Variants in CADPS observed in about 807,000 individuals in gnomAD.
The protein encoded by CADPS is calcium-dependent secretion activator 1.
Under a neutral mutation model 167.3 loss-of-function variants are expected in CADPS, and 57 were observed. That is an observed-to-expected ratio of 0.34 (90% CI 0.28 to 0.42). CADPS has a LOEUF of 0.42. Ranked by LOEUF, CADPS falls within the 20% of genes least tolerant of loss-of-function variation. The pLI is 1.00. For synonymous variants in CADPS, 676 were observed against 635.3 expected (o/e 1.06, Z -0.96); for missense variants, 1,414 against 1,738.1 (o/e 0.81, Z 3.32).
intron 4 of CADPS, among the ~76,000 whole-genome samples, chr3:62,660,207 G>A (rs1197881247): frequency 6.6e-6 from 1 of 152,092 alleles, no homozygotes; most frequent in African/African-American, 2.4e-5. Flanking sequence ...TAAATTAAAG[G>A]TGCCATGAGC....
At chr3:62,608,342 G>GCACAAT (rs995553627) in intron 6 of CADPS, among the ~76,000 whole-genome samples, 1 of 151,226 alleles carries the variant, frequency 6.6e-6, no homozygotes, top group African/African-American at 2.4e-5. Context: ...GAGCATATTG[G>GCACAAT]CACAATCTCG....
At chr3:62,679,708 A>G (rs994604535) in intron 3 of CADPS, among the ~76,000 whole-genome samples, 1 of 152,036 alleles carries the variant, frequency 6.6e-6, no homozygotes, top group African/African-American at 2.4e-5. Flanking sequence ...AACTCCCTGC[A>G]TTGACCCTGG....
chr3:62,576,799 A>T (rs1252351451), intron 8 of CADPS, among the ~76,000 whole-genome samples: 4 of 148,426 alleles, frequency 2.7e-5, no homozygotes, highest in Non-Finnish European at 4.5e-5. Flanking sequence ...AAAAAAAAAA[A>T]AAAAAAAAAA....
intron 1 of CADPS, among the ~76,000 whole-genome samples, chr3:62,792,210 T>TG (rs2093005740): frequency 6.6e-6 from 1 of 152,024 alleles, no homozygotes; most frequent in Non-Finnish European, 1.5e-5. Flanking sequence ...CTTTTTTTTT[T>TG]TTTTTGAGAT....
intron 28 of CADPS, among the ~76,000 whole-genome samples, chr3:62,422,949 T>C (rs1203862041): frequency 1.3e-5 from 2 of 152,204 alleles, no homozygotes; most frequent in African/African-American, 2.4e-5. Context: ...TGGGATGTAA[T>C]GCTATTGTGT....
At chr3:62,557,906 A>G (rs2078452728) in intron 9 of CADPS, among the ~76,000 whole-genome samples, 1 of 152,198 alleles carries the variant, frequency 6.6e-6, no homozygotes. Context: ...AACGACAGCA[A>G]TTTTGTATGT....
chr3:62,403,062 T>C lies in CADPS; in HGVS notation c.3882+19A>G. The C allele has an allele frequency of 3.4e-6, 5 of 1,459,008 alleles. 1 individual carries two copies. The South Asian group carries it at 5.8e-5, about 17-fold the overall frequency. 90.4% of individuals were successfully genotyped at this position (1,459,008 alleles called of 1,614,324 possible). A position where few individuals can be genotyped will look rare whatever the true frequency, so the allele number is the denominator to read the frequency against. ...TCAGTAAGCTATTTGCAAAGAAGAA[T>C]AATAATCTTTTCTTTTACCTTTACC... On this transcript the variant is annotated intron_variant, in intron 29 of 29. Coordinates refer to ENST00000383710, the MANE Select transcript of CADPS (RefSeq NM_003716.4).
intron 8 of CADPS, among the ~76,000 whole-genome samples, chr3:62,571,515 G>A (rs1193027680): frequency 6.6e-6 from 1 of 150,836 alleles, no homozygotes; most frequent in Non-Finnish European, 1.5e-5. Context: ...GGAGGGTTGA[G>A]AACTACAGAG....
rs115591142 is a variant in CADPS, at chr3:62,504,854, G to T, written c.2600-5586C>A. Among the ~76,000 whole-genome samples, 615 of 152,160 alleles carry T rather than the reference G, an allele frequency of 4.0e-3. 3 individuals carry two copies. Among genetic ancestry groups the T allele is most frequent in the Non-Finnish European group, 6.0e-3 (409 of 68,020 alleles). ...TAAGCCAAGGAAGAGATGCATCCAG[G>T]AGCAAGAGACACTCCAATTAGCCCT... is the stretch of plus-strand genomic sequence containing the variant. On this transcript the variant is annotated intron_variant, in intron 17 of 29. Coordinates refer to ENST00000383710, the MANE Select transcript of CADPS (RefSeq NM_003716.4).
At chr3:62,767,656 T>C (rs905429089) in intron 1 of CADPS, among the ~76,000 whole-genome samples, 13 of 152,252 alleles carry the variant, frequency 8.5e-5, no homozygotes, top group Non-Finnish European at 1.6e-4. Flanking sequence ...TTTGTATCTT[T>C]GGAAGAAGTT....
chr3:62,700,070 T>C (rs1366733853), intron 3 of CADPS, among the ~76,000 whole-genome samples: 1 of 152,104 alleles, frequency 6.6e-6, no homozygotes, highest in Admixed American at 6.5e-5. Flanking sequence ...CCTCTATCTC[T>C]ACCATGCTAT....
intron 8 of CADPS, among the ~76,000 whole-genome samples, chr3:62,576,484 C>T (rs1374498012): frequency 6.6e-6 from 1 of 151,894 alleles, no homozygotes; most frequent in African/African-American, 2.4e-5. Flanking sequence ...GTTATGTGTG[C>T]TACTATTTGT....
chr3:62,662,358 G>A lies in CADPS; in HGVS notation c.925C>T (p.Arg309Ter). ...NPDEQAAQIR[R>*]ELDGRLQMAD... ...ATTTGTAGACGTCCATCCAGCTCTCGTCTGATCTGGGCTGCTTGCTCATCT... is the reference window on the plus strand; with the variant it reads ...ATTTGTAGACGTCCATCCAGCTCTCATCTGATCTGGGCTGCTTGCTCATCT... The change falls in exon 4 of 30, where the codon CGA becomes TGA. Residue 309 changes from arginine (R) to a stop codon, truncating the protein, a stop_gained. Coordinates refer to ENST00000383710, the MANE Select transcript of CADPS (RefSeq NM_003716.4). LOFTEE classifies it high-confidence loss of function. 1.2e-6 allele frequency: 2 copies of A among 1,613,934 alleles called. No homozygotes were observed. Among genetic ancestry groups the A allele is most frequent in the Non-Finnish European group, 1.7e-6 (2 of 1,179,898 alleles).
At chr3:62,793,797 G>A (rs1207658237) in intron 1 of CADPS, among the ~76,000 whole-genome samples, 2 of 152,208 alleles carry the variant, frequency 1.3e-5, no homozygotes, top group Non-Finnish European at 2.9e-5. Flanking sequence ...ATGTGTGCGT[G>A]CATGCATATT....
chr3:62,554,096 T>C (rs1052384559), intron 10 of CADPS, among the ~76,000 whole-genome samples: 1 of 152,238 alleles, frequency 6.6e-6, no homozygotes, highest in Non-Finnish European at 1.5e-5. Context: ...AATAATTCAG[T>C]TGTTTGATAA....
chr3:62,620,557 A>G (rs1426418101), intron 6 of CADPS, among the ~76,000 whole-genome samples: 2 of 152,162 alleles, frequency 1.3e-5, no homozygotes, highest in Non-Finnish European at 2.9e-5. Flanking sequence ...AGCAGGTACT[A>G]CTACTGCTTC....
intron 1 of CADPS, chr3:62,814,599 C>T (rs2094530163): frequency 6.6e-6 from 1 of 151,968 alleles, no homozygotes. Flanking sequence ...TATAAATTTC[C>T]ACACCTCTAA....
intron 17 of CADPS, among the ~76,000 whole-genome samples, chr3:62,508,185 C>T (rs986002243): frequency 6.6e-6 from 1 of 152,092 alleles, no homozygotes; most frequent in Non-Finnish European, 1.5e-5. Flanking sequence ...GTGGATAGGG[C>T]CGTTATATCT....
intron 29 of CADPS, among the ~76,000 whole-genome samples, chr3:62,402,622 A>G (rs2149054673): frequency 6.6e-6 from 1 of 152,358 alleles, no homozygotes; most frequent in South Asian, 2.1e-4. Context: ...TCAATTAACT[A>G]TGAGAACAAT....
Sources: gnomAD v4.1 joint callset for allele counts (sites outside exome capture counted in the v4.1 genomes callset) on GRCh38, gnomAD v4.1.1 for gene constraint, MANE v1.5 for transcripts, NCBI Gene and HGNC (gene_info 2026-07-23, HGNC 2026-07-21) for gene names.